The following RANBP3 variants were observed in gnomAD, a reference collection of about 807,000 sequenced individuals.
RANBP3 encodes ran-binding protein 3.
A neutral mutation model predicts 77.3 loss-of-function variants in RANBP3; 14 were observed. The observed-to-expected ratio is 0.18, with a 90% CI of 0.12 to 0.28. The LOEUF is 0.28. Among genes scored for constraint, RANBP3 ranks in the 10% least tolerant of loss-of-function variants. The pLI is 1.00. For missense variants in RANBP3, 586 were observed against 752.3 expected (o/e 0.78, Z 2.59); for synonymous variants, 315 against 312.4 (o/e 1.01, Z -0.09).
rs1161258056 is a variant in RANBP3, at chr19:5,921,079, CTG to C, written c.1330+120_1330+121del. On this transcript the variant is annotated intron_variant, in intron 14 of 16. Coordinates refer to ENST00000340578, the MANE Select transcript of RANBP3 (RefSeq NM_007322.3). The surrounding 1 kb of genome is among the most constrained non-coding windows in gnomAD (Gnocchi z 5.3). ...GGGCGGCTCTCATGGGAGACCGACT[CTG>C]TGCCTTGACTCTCACAAGGGTAGGG... The C allele has an allele frequency of 7.6e-7, 1 of 1,317,308 alleles. No homozygotes were observed. Among genetic ancestry groups the C allele is most frequent in the Admixed American group, 2.3e-5 (1 of 44,368 alleles). 81.6% of individuals were successfully genotyped at this position (1,317,308 alleles called of 1,614,324 possible).
In RANBP3 at chr19:5,952,457, G is replaced by A. The variant is rs1465736598; in HGVS notation, c.79-861C>T. Among the ~76,000 whole-genome samples, 1 of 152,220 alleles carries A rather than the reference G, an allele frequency of 6.6e-6. No homozygotes were observed. The highest frequency in any genetic ancestry group is 2.4e-5 in the African/African-American group (1 of 41,460). Reference sequence around the variant, plus strand: ...CTCCAGCAGGGCTTCCATGGGCTGAGAGCTCTGTGGCCGTAACTCCAAGAC... The same window carrying A: ...CTCCAGCAGGGCTTCCATGGGCTGAAAGCTCTGTGGCCGTAACTCCAAGAC... On this transcript the variant is annotated intron_variant, in intron 2 of 16. Transcript: ENST00000340578. This position sits in a 1 kb window ranked among gnomAD's most constrained non-coding sequence, Gnocchi z 4.1.
At chr19:5,945,741 A>G (rs1177081480) in intron 3 of RANBP3, among the ~76,000 whole-genome samples, 1 of 151,816 alleles carries the variant, frequency 6.6e-6, no homozygotes, top group African/African-American at 2.4e-5. Flanking sequence ...CATGCCTCTC[A>G]GGGATCATGG....
intron 8 of RANBP3, among the ~76,000 whole-genome samples, chr19:5,928,740 T>C (rs1006813389): frequency 2.1e-5 from 3 of 143,702 alleles, no homozygotes; most frequent in Non-Finnish European, 4.5e-5. Flanking sequence ...ATTTCCATTT[T>C]GTGTAAATAT....
chr19:5,927,828 T>C (rs2057932975), intron 9 of RANBP3, 140 bp downstream of exon 9: 2 of 1,115,180 alleles, frequency 1.8e-6, no homozygotes, highest in Non-Finnish European at 2.5e-6. Context: ...GACTGTGCCG[T>C]GAGCCATGGG....
intron 5 of RANBP3, among the ~76,000 whole-genome samples, chr19:5,940,953 T>TACC (rs2058127872): frequency 6.6e-6 from 1 of 152,218 alleles, no homozygotes; most frequent in South Asian, 2.1e-4. Flanking sequence ...CTCTCTCCTG[T>TACC]ACCAGCCTGC....
chr19:5,954,733 G>A (rs902433378), intron 2 of RANBP3, among the ~76,000 whole-genome samples: 4 of 152,198 alleles, frequency 2.6e-5, no homozygotes, highest in African/African-American at 7.2e-5. Context: ...GATGGCCTCC[G>A]CAAGAGAGAA....
rs573921175 is a variant in RANBP3 at position 5,973,419 on chromosome 19, C to T, written c.22+4642G>A. Among the ~76,000 whole-genome samples the T allele has an allele frequency of 3.9e-5, 6 of 152,226 alleles. No individual in the cohort carries two copies. In the East Asian group the frequency reaches 5.8e-4, roughly 15 times the overall value. On this transcript the variant is annotated intron_variant, in intron 1 of 16. Coordinates refer to ENST00000340578, the MANE Select transcript of RANBP3 (RefSeq NM_007322.3). ...GAGACATTTCCACTGTCATGACTGGCGGGGATGAGGAGGGGGATGTGCTAT... is the reference window on the plus strand; with the variant it reads ...GAGACATTTCCACTGTCATGACTGGTGGGGATGAGGAGGGGGATGTGCTAT...
chr19:5,932,075 A>G (rs2145086198), intron 7 of RANBP3, among the ~76,000 whole-genome samples: 1 of 152,330 alleles, frequency 6.6e-6, no homozygotes, highest in African/African-American at 2.4e-5. Flanking sequence ...TGACCTTTCA[A>G]GTTTTTAAAG....
intron 5 of RANBP3, among the ~76,000 whole-genome samples, chr19:5,938,555 G>T (rs1011265089): frequency 6.6e-6 from 1 of 152,076 alleles, no homozygotes; most frequent in Admixed American, 6.5e-5. Flanking sequence ...AGCTGGGCAT[G>T]GTGGCACATG....
At chr19:5,964,318 C>G (rs1436493176) in intron 1 of RANBP3, among the ~76,000 whole-genome samples, 2 of 152,204 alleles carry the variant, frequency 1.3e-5, no homozygotes, top group African/African-American at 2.4e-5. Context: ...GCCTGCCCCC[C>G]CACCTCCACC....
rs1028305196 is a variant in RANBP3 at position 5,958,952 on chromosome 19, C to T, written c.23-979G>A. 6.6e-6 allele frequency among the ~76,000 whole-genome samples: 1 copy of T among 152,248 alleles called. No individual in the cohort carries two copies. Among genetic ancestry groups the T allele is most frequent in the African/African-American group, 2.4e-5 (1 of 41,466 alleles). On this transcript the variant is annotated intron_variant, in intron 1 of 16. Transcript: ENST00000340578. This position sits in a 1 kb window ranked among gnomAD's most constrained non-coding sequence, Gnocchi z 4.4. Reference sequence around the variant, plus strand: ...TGAGCAGGGTTTGGGAAGAGCCCTGCCTTCGCAGGCCCCCCGACCCCGGTC... The same window carrying T: ...TGAGCAGGGTTTGGGAAGAGCCCTGTCTTCGCAGGCCCCCCGACCCCGGTC...
chr19:5,966,218 C>T (rs762991467), intron 1 of RANBP3, among the ~76,000 whole-genome samples: 10 of 152,174 alleles, frequency 6.6e-5, no homozygotes, highest in Admixed American at 3.3e-4. Context: ...TGGATAAGCA[C>T]CTATGGAGGA....
chr19:5,921,516 A>G lies in RANBP3; in HGVS notation c.1210-195T>C, dbSNP rs2057819494. Among the ~76,000 whole-genome samples, 1 of 152,194 alleles carries G rather than the reference A, an allele frequency of 6.6e-6. No individual in the cohort carries two copies. The highest frequency in any genetic ancestry group is 2.1e-4 in the South Asian group (1 of 4,830). On this transcript the variant is annotated intron_variant, in intron 13 of 16. Transcript: ENST00000340578. The surrounding 1 kb of genome is among the most constrained non-coding windows in gnomAD (Gnocchi z 5.3). ...ATTGTATAAGGGGTATCTGAAATTA[A>G]AAGAATCACTAAGGAAATGAAAAGC... is the stretch of plus-strand genomic sequence containing the variant.
rs889024632 is a variant in RANBP3 at position 5,943,836 on chromosome 19, G to A, written c.283-2001C>T. Among the ~76,000 whole-genome samples, 3 of 152,174 alleles carry A rather than the reference G, an allele frequency of 2.0e-5. No individual in the cohort carries two copies. The South Asian group carries it at 6.2e-4, about 31-fold the overall frequency. ...ACAGTGGGTTCTATTAGTCACTGGGGCAATTGTGAAAATACCACTGAGTCC... is the reference window on the plus strand; with the variant it reads ...ACAGTGGGTTCTATTAGTCACTGGGACAATTGTGAAAATACCACTGAGTCC... On this transcript the variant is annotated intron_variant, in intron 3 of 16. Transcript: ENST00000340578.
At chr19:5,918,782 A>G in intron 14 of RANBP3, 144 bp from the exon 15 acceptor site, 1 of 1,061,694 alleles carries the variant, frequency 9.4e-7, no homozygotes. Context: ...CCACAGAGCA[A>G]GACTTCTCCC....
At chr19:5,922,400 C>A (rs1443580648) in intron 13 of RANBP3, among the ~76,000 whole-genome samples, 1 of 152,184 alleles carries the variant, frequency 6.6e-6, no homozygotes, top group Non-Finnish European at 1.5e-5. Flanking sequence ...GGTTTACAGA[C>A]ACAGACACCT....
At chr19:5,962,264 A>G (rs1292364244) in intron 1 of RANBP3, among the ~76,000 whole-genome samples, 2 of 152,194 alleles carry the variant, frequency 1.3e-5, no homozygotes, top group African/African-American at 4.8e-5. Flanking sequence ...AGTGGAGAAC[A>G]GGAAGCTGAG....
chr19:5,921,188 G>A lies in RANBP3; in HGVS notation c.1330+13C>T, dbSNP rs779987089. The A allele has an allele frequency of 6.7e-5, 108 of 1,606,100 alleles. No homozygotes were observed. Among genetic ancestry groups the A allele is most frequent in the Middle Eastern group, 1.7e-4 (1 of 6,054 alleles). On this transcript the variant is annotated intron_variant, in intron 14 of 16. Coordinates refer to ENST00000340578, the MANE Select transcript of RANBP3 (RefSeq NM_007322.3). This position sits in a 1 kb window ranked among gnomAD's most constrained non-coding sequence, Gnocchi z 5.3. ...TGGGGACCCGGCCACAGCCCCCGCCGTCGGCAGCTCACCTAGTCGGGACTG... is the reference window on the plus strand; with the variant it reads ...TGGGGACCCGGCCACAGCCCCCGCCATCGGCAGCTCACCTAGTCGGGACTG...
chr19:5,951,008 G>A lies in RANBP3; in HGVS notation c.282+385C>T, dbSNP rs139960838. On this transcript the variant is annotated intron_variant, in intron 3 of 16. Transcript: ENST00000340578. ...CCTTAGCTTCTTGGGTTTCTAAGAC[G>A]CTAAACTTGAATGCCCGCATTCAGG... The A allele has an allele frequency of 2.7e-3, 742 of 278,076 alleles. 4 individuals are homozygous for A. The highest frequency in any genetic ancestry group is 0.016 in the African/African-American group (699 of 43,600). 17.2% of individuals were successfully genotyped at this position (278,076 alleles called of 1,614,324 possible). A position where few individuals can be genotyped will look rare whatever the true frequency, so the allele number is the denominator to read the frequency against.
Sources: allele counts gnomAD v4.1 joint callset (sites outside exome capture counted in the v4.1 genomes callset), GRCh38; gene constraint gnomAD v4.1.1; non-coding constraint Gnocchi (gnomAD v3.1); transcripts MANE v1.5; gene names NCBI Gene and HGNC (gene_info 2026-07-23, HGNC 2026-07-21).